The following CBL variants were observed in gnomAD, a reference collection of about 807,000 sequenced individuals.
CBL encodes the protein E3 ubiquitin-protein ligase CBL.
A neutral mutation model predicts 96.9 loss-of-function variants in CBL; 45 were observed. The ratio of observed to expected loss-of-function variants is 0.46; its 90% CI spans 0.37 to 0.60. The LOEUF (loss-of-function observed/expected upper bound fraction) is 0.60. Among genes scored for constraint, CBL ranks in the 20% least tolerant of loss-of-function variants. The probability of loss-of-function intolerance (pLI) is 0.00; values close to 1 mark genes in which losing one functional copy is unlikely to be tolerated. For synonymous variants in CBL, 420 were observed against 426.8 expected, an observed-to-expected ratio of 0.98 and a Z score of 0.20; for missense variants, 1,024 against 1,143.5, an observed-to-expected ratio of 0.90 and a Z score of 1.51.
chr11:119,228,957 C>T (rs1407098813), intron 1 of CBL, among the ~76,000 whole-genome samples: 1 of 151,958 alleles, frequency 6.6e-6, no homozygotes, highest in Non-Finnish European at 1.5e-5. Context: ...ATTACAGGTG[C>T]CTGCCACCAT....
intron 2 of CBL, among the ~76,000 whole-genome samples, chr11:119,269,393 G>A (rs1449685623): frequency 6.6e-6 from 1 of 151,510 alleles, no homozygotes; most frequent in Non-Finnish European, 1.5e-5. Flanking sequence ...CCTAATTTTT[G>A]TATTTTTAGT....
Position 119,307,191 on chromosome 11 carries a change from G to A in CBL, c.*7410G>A, listed in dbSNP as rs951993233. On this transcript the variant is annotated 3_prime_UTR_variant, in exon 16 of 16. Transcript: ENST00000264033. ...GGAGGAGAGAAGCATTGTACCCTGG[G>A]ATCATTTGGTTGGTTCCAATCACAA... 3 of 232,158 alleles carry A rather than the reference G, an allele frequency of 1.3e-5. No individual in the cohort carries two copies. Among genetic ancestry groups the A allele is most frequent in the African/African-American group, 6.6e-5 (3 of 45,246 alleles). 14.4% of individuals were successfully genotyped at this position (232,158 alleles called of 1,614,324 possible). A position where few individuals can be genotyped will look rare whatever the true frequency, so the allele number is the denominator to read the frequency against.
At chr11:119,249,240 G>A (rs1296928154) in intron 2 of CBL, among the ~76,000 whole-genome samples, 1 of 152,148 alleles carries the variant, frequency 6.6e-6, no homozygotes, top group Non-Finnish European at 1.5e-5. Context: ...GCCATATGGT[G>A]GAATATTATT....
chr11:119,287,845 T>C lies in CBL; in HGVS notation c.1942-7T>C, dbSNP rs1183464467. ...GTTGTTTTTCAACACTTTTCTTTAC[T>C]TTCCAGAGTATGAATAGCAGCCCAT... On this transcript the variant is annotated splice_polypyrimidine_tract_variant and splice_region_variant and intron_variant, in intron 11 of 15. Transcript: ENST00000264033. 44 of 1,596,110 alleles carry C rather than the reference T, an allele frequency of 2.8e-5. No individual in the cohort carries two copies. The highest frequency in any genetic ancestry group is 3.8e-5 in the Non-Finnish European group (44 of 1,163,586).
intron 12 of CBL, 151 bp from the exon 13 acceptor site, chr11:119,296,767 T>G (rs1306527889): frequency 1.5e-6 from 1 of 648,394 alleles, no homozygotes; most frequent in East Asian, 2.7e-5. Flanking sequence ...GCTAATTACT[T>G]GTCTTGGTCA....
chr11:119,266,849 A>T (rs1949806605), intron 2 of CBL, among the ~76,000 whole-genome samples: 1 of 152,204 alleles, frequency 6.6e-6, no homozygotes, highest in Non-Finnish European at 1.5e-5. Context: ...CTGCTGCTGG[A>T]ACTGAAGGAA....
At position 119,307,440 on chromosome 11, in the gene CBL, C is replaced by G. The variant is rs567049953; in HGVS notation, c.*7659C>G. ...TGGTCTAGACCTCCTGCCCCCACCCCCCAGCCCCCATCAGATGTGGCTGGC... is the reference window on the plus strand; with the variant it reads ...TGGTCTAGACCTCCTGCCCCCACCCGCCAGCCCCCATCAGATGTGGCTGGC... On this transcript the variant is annotated 3_prime_UTR_variant, in exon 16 of 16. Transcript: ENST00000264033. 185 of 232,842 alleles carry G rather than the reference C, an allele frequency of 7.9e-4. No homozygotes were observed. The highest frequency in any genetic ancestry group is 2.0e-3 in the South Asian group (11 of 5,528). The allele number at this position is 232,842 out of a possible 1,614,324, so 14.4% of individuals were successfully genotyped here.
At chr11:119,220,274 T>A (rs1466594075) in intron 1 of CBL, among the ~76,000 whole-genome samples, 1 of 152,222 alleles carries the variant, frequency 6.6e-6, no homozygotes, top group African/African-American at 2.4e-5. Flanking sequence ...GTGTTGGTAT[T>A]ACAGGTGTGA....
intron 4 of CBL, 49 bp downstream of exon 4, chr11:119,274,073 A>G (rs2135299288): frequency 1.5e-6 from 2 of 1,363,788 alleles, no homozygotes; most frequent in East Asian, 2.3e-5. Flanking sequence ...ACTTCGGTGA[A>G]GAGAAAGCTT....
chr11:119,304,693 C>G lies in CBL; in HGVS notation c.*4912C>G, dbSNP rs1950122951. ...CCAGGCTGGAGTGCAGTGGTGCAGT[C>G]TCAACTCACCACAACCTCTGCCTCC... On this transcript the variant is annotated 3_prime_UTR_variant, in exon 16 of 16. Coordinates refer to ENST00000264033, the MANE Select transcript of CBL (RefSeq NM_005188.4). The G allele has an allele frequency of 4.9e-6, 1 of 205,174 alleles. No homozygotes were observed. Among genetic ancestry groups the G allele is most frequent in the Non-Finnish European group, 9.9e-6 (1 of 100,674 alleles). The allele number at this position is 205,174 out of a possible 1,614,324, so 12.7% of individuals were successfully genotyped here.
At chr11:119,279,075 A>G (rs1949912966) in intron 9 of CBL, among the ~76,000 whole-genome samples, 1 of 152,120 alleles carries the variant, frequency 6.6e-6, no homozygotes, top group South Asian at 2.1e-4. Flanking sequence ...ATTTTTTAGG[A>G]CTAAGACTTT....
At chr11:119,246,092 A>T (rs546680538) in intron 2 of CBL, among the ~76,000 whole-genome samples, 1 of 144,038 alleles carries the variant, frequency 6.9e-6, no homozygotes, top group Non-Finnish European at 1.5e-5. Context: ...CTTCTGCCTC[A>T]GTCTCCCAAG....
At chr11:119,228,560 C>A (rs536405857) in intron 1 of CBL, among the ~76,000 whole-genome samples, 2 of 150,818 alleles carry the variant, frequency 1.3e-5, no homozygotes, top group East Asian at 2.0e-4. Flanking sequence ...GAGCTGAGAT[C>A]GCACCATTGC....
At chr11:119,268,771 A>T (rs1333345208) in intron 2 of CBL, among the ~76,000 whole-genome samples, 1 of 152,232 alleles carries the variant, frequency 6.6e-6, no homozygotes, top group Non-Finnish European at 1.5e-5. Flanking sequence ...AGAGAAGACA[A>T]CACTGCAAAA....
rs1423434407 is a variant in CBL at position 119,301,421 on chromosome 11, C to T, written c.*1640C>T. On this transcript the variant is annotated 3_prime_UTR_variant, in exon 16 of 16. Transcript: ENST00000264033. The stretch of plus-strand genomic sequence containing the variant: ...ACTTTCTTAGCAGTGTGTAAGCTTT[C>T]TCCATGTCAGAAGCAAGCCTGCTCT... 4.3e-6 allele frequency: 1 copy of T among 233,104 alleles called. No homozygotes were observed. The highest frequency in any genetic ancestry group is 8.5e-6 in the Non-Finnish European group (1 of 118,042). The allele number at this position is 233,104 out of a possible 1,614,324, so 14.4% of individuals were successfully genotyped here. A position where few individuals can be genotyped will look rare whatever the true frequency, so the allele number is the denominator to read the frequency against.
rs1950089803 is a variant in CBL, at chr11:119,299,830, A to AT, written c.*51dup. On this transcript the variant is annotated 3_prime_UTR_variant, in exon 16 of 16. Transcript: ENST00000264033. ...TTAGAGGACCAGTGAGTTGGGAGTTATTACTCAAGTGGCACCTAGAAGGGC... is the reference window on the plus strand; with the variant it reads ...TTAGAGGACCAGTGAGTTGGGAGTTATTTACTCAAGTGGCACCTAGAAGGGC... The AT allele has an allele frequency of 6.3e-7, 1 of 1,590,294 alleles. No individual in the cohort carries two copies. The highest frequency in any genetic ancestry group is 1.3e-5 in the African/African-American group (1 of 74,478).
Position 119,287,833 on chromosome 11 carries a change from ACTTTT to A in CBL, c.1942-14_1942-10del. 6.4e-7 allele frequency: 1 copy of A among 1,552,684 alleles called. No individual in the cohort carries two copies. The highest frequency in any genetic ancestry group is 8.9e-7 in the Non-Finnish European group (1 of 1,123,846). ...TGTGGTAAGAAAGTTGTTTTTCAACACTTTTCTTTACTTTCCAGAGTATGAATAGC... is the reference window on the plus strand; with the variant it reads ...TGTGGTAAGAAAGTTGTTTTTCAACACTTTACTTTCCAGAGTATGAATAGC... On this transcript the variant is annotated splice_polypyrimidine_tract_variant and intron_variant, in intron 11 of 15. Coordinates refer to ENST00000264033, the MANE Select transcript of CBL (RefSeq NM_005188.4).
chr11:119,266,018 C>CAAAAAAAAAAAAAA (rs398017759), intron 2 of CBL, among the ~76,000 whole-genome samples: 7 of 76,006 alleles, frequency 9.2e-5, no homozygotes, highest in Admixed American at 1.6e-4. Context: ...GACTCCATCT[C>CAAAAAAAAAAAAAA]AAAAAAAAAA....
intron 12 of CBL, among the ~76,000 whole-genome samples, chr11:119,288,323 T>C (rs551738183): frequency 6.6e-6 from 1 of 152,306 alleles, no homozygotes; most frequent in East Asian, 1.9e-4. Context: ...AAATACCACA[T>C]ATTGGGTGGT....
Sources: gnomAD v4.1 joint callset for allele counts (sites outside exome capture counted in the v4.1 genomes callset) on GRCh38, gnomAD v4.1.1 for gene constraint, MANE v1.5 for transcripts, NCBI Gene and HGNC (gene_info 2026-07-23, HGNC 2026-07-21) for gene names.